DNAH11: variants seen among roughly 807,000 people sequenced by gnomAD.
The protein encoded by DNAH11 is axonemal beta dynein heavy chain 11.
A neutral mutation model predicts 526.0 loss-of-function variants in DNAH11; 442 were observed. The observed-to-expected ratio is 0.84, with a 90% CI of 0.78 to 0.91. The LOEUF is 0.91. Ranked by LOEUF, DNAH11 falls within the 40% of genes least tolerant of loss-of-function variation. The pLI, the probability that DNAH11 is intolerant of heterozygous loss-of-function variation, is 0.00. For missense variants in DNAH11, 6,989 were observed against 5,448.7 expected, an observed-to-expected ratio of 1.28 and a Z score of -8.90; for synonymous variants, 2,461 against 1,935.9, an observed-to-expected ratio of 1.27 and a Z score of -7.12.
At chr7:21,741,900 C>T (rs776577328) in intron 48 of DNAH11, 27 bp from the exon 49 acceptor site, 1 of 1,611,136 alleles carries the variant, frequency 6.2e-7, no homozygotes, top group Non-Finnish European at 8.5e-7. Context: ...GTAATCCTTA[C>T]ACTCTTATAT....
At chr7:21,665,002 G>C (rs773203043) in intron 30 of DNAH11, among the ~76,000 whole-genome samples, 3 of 151,948 alleles carry the variant, frequency 2.0e-5, no homozygotes, top group Non-Finnish European at 4.4e-5. Flanking sequence ...CATGGCATTC[G>C]CTTATCGACC....
rs766993508 is a variant in DNAH11 at position 21,619,084 on chromosome 7, T to C, written c.4255-16T>C. On this transcript the variant is annotated splice_polypyrimidine_tract_variant and intron_variant, in intron 23 of 81. Coordinates refer to ENST00000409508, the MANE Select transcript of DNAH11 (RefSeq NM_001277115.2). ...ATATGTGGAATATAAAGTCTAACTT[T>C]TTTTCCCCCAATCAGGTCAAGTTTT... 1 of 1,613,142 alleles carries C rather than the reference T, an allele frequency of 6.2e-7. No homozygotes were observed. The highest frequency in any genetic ancestry group is 8.5e-7 in the Non-Finnish European group (1 of 1,179,402).
At chr7:21,666,917 G>A (rs1342855403) in intron 30 of DNAH11, among the ~76,000 whole-genome samples, 1 of 151,954 alleles carries the variant, frequency 6.6e-6, no homozygotes, top group Non-Finnish European at 1.5e-5. Flanking sequence ...AAAAAACATA[G>A]TGTTCCTAGA....
Position 21,900,058 on chromosome 7 carries a change from C to CAAAGG in DNAH11, c.13244_13248dup (p.Asp4417ArgfsTer71). The CAAAGG allele has an allele frequency of 6.2e-7, 1 of 1,613,892 alleles. No individual in the cohort carries two copies. Among genetic ancestry groups the CAAAGG allele is most frequent in the African/African-American group, 1.3e-5 (1 of 75,020 alleles). On this transcript the variant is annotated frameshift_variant, in exon 81 of 82. Transcript: ENST00000409508. LOFTEE classifies it high-confidence loss of function. The stretch of plus-strand genomic sequence containing the variant: ...TTGACTGCTGATGTTACCAAAAAAA[C>CAAAGG]AAAGGAAGATTATGGACACCCGCCA...
chr7:21,645,033 C>A (rs1053805444), intron 28 of DNAH11, among the ~76,000 whole-genome samples: 3 of 152,186 alleles, frequency 2.0e-5, no homozygotes, highest in Non-Finnish European at 2.9e-5. Context: ...ATTGTAGCCC[C>A]TTTGGAATTC....
chr7:21,809,415 G>A (rs750760917), intron 63 of DNAH11, among the ~76,000 whole-genome samples: 3 of 152,068 alleles, frequency 2.0e-5, no homozygotes, highest in Admixed American at 1.3e-4. Context: ...GCATTTGTTT[G>A]TGGTCTTAAC....
intron 28 of DNAH11, among the ~76,000 whole-genome samples, chr7:21,654,256 CT>C (rs1781915014): frequency 6.6e-6 from 1 of 152,192 alleles, no homozygotes; most frequent in African/African-American, 2.4e-5. Flanking sequence ...CCTCCAGCCC[CT>C]AGCAGCCGCC....
chr7:21,622,104 A>C (rs1219924509), intron 25 of DNAH11, among the ~76,000 whole-genome samples: 1 of 152,160 alleles, frequency 6.6e-6, no homozygotes, highest in Admixed American at 6.5e-5. Flanking sequence ...TTAAGCTGAT[A>C]AGCAACTTCA....
intron 61 of DNAH11, among the ~76,000 whole-genome samples, chr7:21,796,027 G>A (rs1788700354): frequency 6.6e-6 from 1 of 152,178 alleles, no homozygotes; most frequent in African/African-American, 2.4e-5. Flanking sequence ...TCAGTGTGTG[G>A]GGTCTCTTGT....
chr7:21,723,380 C>T (rs955287512), intron 44 of DNAH11, among the ~76,000 whole-genome samples: 1 of 152,234 alleles, frequency 6.6e-6, no homozygotes, highest in Non-Finnish European at 1.5e-5. Flanking sequence ...CAGCAGCGGA[C>T]TGACTCAGGA....
intron 52 of DNAH11, among the ~76,000 whole-genome samples, chr7:21,749,171 T>A (rs1339209233): frequency 1.3e-5 from 2 of 152,184 alleles, no homozygotes; most frequent in African/African-American, 4.8e-5. Context: ...GAATAACACG[T>A]TTAGGAAACT....
In DNAH11 at chr7:21,894,981, C is replaced by T. The variant is rs758870019; in HGVS notation, c.13031C>T (p.Thr4344Ile). 1 of 1,613,936 alleles carries T rather than the reference C, an allele frequency of 6.2e-7. No homozygotes were observed. Among genetic ancestry groups the T allele is most frequent in the Non-Finnish European group, 8.5e-7 (1 of 1,179,852 alleles). ...TGGAGCAAACTGGCTTATCCTTCTA[C>T]TTATGGCCTAGCCCAGTGGTAAGCT... ...DTWSKLAYPS[T>I]YGLAQWFNDL... is the part of the protein sequence containing the mutation. The change falls in exon 79 of 82, where the codon ACT becomes ATT. Residue 4344 changes from threonine (T) to isoleucine (I), a missense_variant. Thr to Ile is a moderately conservative substitution (Grantham distance 89, BLOSUM62 -1). Coordinates refer to ENST00000409508, the MANE Select transcript of DNAH11 (RefSeq NM_001277115.2).
chr7:21,888,835 C>T (rs181260766), intron 76 of DNAH11, among the ~76,000 whole-genome samples: 18 of 152,204 alleles, frequency 1.2e-4, no homozygotes, highest in African/African-American at 4.1e-4. Flanking sequence ...TGTGGAGGTT[C>T]TTTCTGCCTG....
intron 65 of DNAH11, among the ~76,000 whole-genome samples, chr7:21,824,837 A>G (rs536185182): frequency 5.3e-5 from 8 of 152,284 alleles, no homozygotes; most frequent in Admixed American, 3.9e-4. Flanking sequence ...TTTAATCTAC[A>G]TTGCTCCTTC....
intron 61 of DNAH11, among the ~76,000 whole-genome samples, chr7:21,799,632 G>A (rs754550459): frequency 6.6e-5 from 10 of 152,048 alleles, no homozygotes; most frequent in Non-Finnish European, 1.3e-4. Flanking sequence ...CACCGCACCC[G>A]GCCATATTTC....
chr7:21,682,878 C>A (rs1562488337), intron 31 of DNAH11, among the ~76,000 whole-genome samples: 1 of 152,146 alleles, frequency 6.6e-6, no homozygotes, highest in Non-Finnish European at 1.5e-5. Context: ...TTCAGGACCA[C>A]TAGTGAGCAA....
rs1290309442 is a variant in DNAH11 at position 21,606,538 on chromosome 7, T to C, written c.3761T>C (p.Phe1254Ser). The change falls in exon 19 of 82, where the codon TTT (phenylalanine) becomes TCT (serine). Residue 1254 changes from phenylalanine to serine, a missense_variant. Coordinates refer to ENST00000409508, the MANE Select transcript of DNAH11 (RefSeq NM_001277115.2). Reference protein sequence around the residue: ...VTLIRKKCILFDAKQAEFRER... With the variant: ...VTLIRKKCILSDAKQAEFRER... ...CTTATAAGGAAAAAATGTATTTTGT[T>C]TGACGTAAGCTAGTTACCAAGTTTT... 1 of 1,608,646 alleles carries C rather than the reference T, an allele frequency of 6.2e-7. No homozygotes were observed. Among genetic ancestry groups the C allele is most frequent in the Admixed American group, 1.7e-5 (1 of 59,508 alleles).
intron 8 of DNAH11, among the ~76,000 whole-genome samples, chr7:21,575,248 A>G (rs1784045496): frequency 6.6e-6 from 1 of 152,192 alleles, no homozygotes; most frequent in South Asian, 2.1e-4. Context: ...AAATGAAAGG[A>G]ATAAGTTCAT....
Position 21,633,309 on chromosome 7 carries a change from C to T in DNAH11, c.4501-2562C>T, listed in dbSNP as rs73271636. 2.9e-3 allele frequency among the ~76,000 whole-genome samples: 440 copies of T among 152,274 alleles called. 3 individuals carry two copies. The highest frequency in any genetic ancestry group is 0.01 in the African/African-American group (422 of 41,554). ...TCTGCTATTGGATGAAATAGTCTGTCGATGTCCATTAGGTCTATTTGGTCT... is the reference window on the plus strand; with the variant it reads ...TCTGCTATTGGATGAAATAGTCTGTTGATGTCCATTAGGTCTATTTGGTCT... On this transcript the variant is annotated intron_variant, in intron 25 of 81. Transcript: ENST00000409508.
Sources: allele counts gnomAD v4.1 joint callset (sites outside exome capture counted in the v4.1 genomes callset), GRCh38; gene constraint gnomAD v4.1.1; transcripts MANE v1.5; gene names NCBI Gene and HGNC (gene_info 2026-07-23, HGNC 2026-07-21).